The following COPG2 variants were observed in gnomAD, a reference collection of about 807,000 sequenced individuals.
The protein encoded by COPG2 is coatomer subunit gamma-2.
Under a neutral mutation model 46.3 loss-of-function variants are expected in COPG2, and 37 were observed. The ratio of observed to expected loss-of-function variants is 0.80; its 90% confidence interval spans 0.61 to 1.05. The LOEUF (loss-of-function observed/expected upper bound fraction) is 1.05. Ranked by LOEUF, COPG2 falls within the 50% of genes least tolerant of loss-of-function variation. The pLI, the probability that COPG2 is intolerant of heterozygous loss-of-function variation, is 0.00. For synonymous variants in COPG2, 159 were observed against 129.7 expected, an observed-to-expected ratio of 1.23 and a Z score of -1.53; for missense variants, 427 against 387.8, an observed-to-expected ratio of 1.10 and a Z score of -0.85.
chr7:130,635,106 G>T (rs1218785070), intron 5 of COPG2, among the ~76,000 whole-genome samples: 1 of 150,192 alleles, frequency 6.7e-6, no homozygotes, highest in Non-Finnish European at 1.5e-5. Context: ...GCTGGATTCG[G>T]TTTGCCCGTA....
intron 20 of COPG2, among the ~76,000 whole-genome samples, chr7:130,517,313 T>A (rs991987336): frequency 4.7e-4 from 72 of 152,176 alleles, no homozygotes; most frequent in African/African-American, 1.7e-3. Context: ...ACTAGGCAGA[T>A]CAGATGTATT....
At chr7:130,530,739 G>A (rs1406300791) in intron 20 of COPG2, among the ~76,000 whole-genome samples, 40 of 152,032 alleles carry the variant, frequency 2.6e-4, no homozygotes, top group Admixed American at 2.2e-3. Context: ...ATGAGGCAGT[G>A]CAACAGGGGA....
chr7:130,626,817 CTG>C (rs1417676178), intron 5 of COPG2, among the ~76,000 whole-genome samples: 1 of 152,190 alleles, frequency 6.6e-6, no homozygotes, highest in Non-Finnish European at 1.5e-5. Flanking sequence ...GTTTGGAACA[CTG>C]TCCCTTTATG....
At chr7:130,621,942 TC>T (rs1232676703) in intron 5 of COPG2, among the ~76,000 whole-genome samples, 1,536 of 54,114 alleles carry the variant, frequency 0.028, 15 homozygotes, top group Middle Eastern at 0.11. Flanking sequence ...AGACTCCATC[TC>T]AAAAAAAAAA....
intron 17 of COPG2, 126 bp downstream of exon 17, chr7:130,550,394 GGAGT>G (rs1254056630): frequency 7.1e-6 from 2 of 280,348 alleles, no homozygotes; most frequent in Non-Finnish European, 1.2e-5. Flanking sequence ...CTGTGCGACG[GGAGT>G]GAGACTCTAT....
At chr7:130,618,888 T>A (rs1440721092) in intron 5 of COPG2, among the ~76,000 whole-genome samples, 2 of 152,186 alleles carry the variant, frequency 1.3e-5, no homozygotes, top group Non-Finnish European at 2.9e-5. Flanking sequence ...AATTTTCTAA[T>A]TATTAATACC....
intron 9 of COPG2, among the ~76,000 whole-genome samples, chr7:130,583,405 G>A (rs1408259088): frequency 1.4e-5 from 2 of 146,300 alleles, no homozygotes; most frequent in Non-Finnish European, 3.0e-5. Flanking sequence ...TAGATGACGA[G>A]TTAGTGGGTG....
intron 9 of COPG2, among the ~76,000 whole-genome samples, chr7:130,609,436 T>G (rs1794798359): frequency 6.6e-6 from 1 of 152,214 alleles, no homozygotes; most frequent in African/African-American, 2.4e-5. Context: ...GACTTGTTCC[T>G]CCTTGCCTTC....
intron 5 of COPG2, among the ~76,000 whole-genome samples, chr7:130,621,624 C>T (rs535082759): frequency 1.2e-4 from 19 of 152,108 alleles, no homozygotes; most frequent in East Asian, 1.2e-3. Flanking sequence ...GCCTGACCAA[C>T]GTGGTGAAAC....
At chr7:130,514,945 A>C (rs997937226) in intron 20 of COPG2, among the ~76,000 whole-genome samples, 2 of 152,198 alleles carry the variant, frequency 1.3e-5, no homozygotes, top group African/African-American at 2.4e-5. Context: ...ATGGGAGAGA[A>C]GGAAAGACCT....
chr7:130,575,285 T>C (rs36141509), intron 9 of COPG2, among the ~76,000 whole-genome samples: 3,204 of 152,160 alleles, frequency 0.021, 123 homozygotes, highest in African/African-American at 0.073. Context: ...AAGGAAAGAA[T>C]CTTAAGAGTT....
At chr7:130,613,394 C>G in intron 7 of COPG2, 150 bp downstream of exon 7, 1 of 584,402 alleles carries the variant, frequency 1.7e-6, no homozygotes, top group Non-Finnish European at 3.0e-6. Flanking sequence ...GTGGGGACCC[C>G]TGCTCTAGAT....
intron 5 of COPG2, among the ~76,000 whole-genome samples, chr7:130,651,492 GTATT>G (rs1795741266): frequency 6.5e-4 from 20 of 30,794 alleles, no homozygotes; most frequent in African/African-American, 1.8e-3. Flanking sequence ...TAATTTTTTT[GTATT>G]TTTTTTTTTT....
At chr7:130,651,938 C>T (rs923778502) in intron 5 of COPG2, among the ~76,000 whole-genome samples, 3 of 152,182 alleles carry the variant, frequency 2.0e-5, no homozygotes, top group Non-Finnish European at 2.9e-5. Context: ...GCATGAGCCA[C>T]CATGTCTGGC....
At chr7:130,667,397 G>GCT in intron 2 of COPG2, 85 bp downstream of exon 2, 1 of 1,070,506 alleles carries the variant, frequency 9.3e-7, no homozygotes, top group Non-Finnish European at 1.4e-6. Flanking sequence ...TTTGCATGTC[G>GCT]TGATCACAGC....
intron 20 of COPG2, chr7:130,509,062 A>G (rs12706941): frequency 0.51 from 235,629 of 461,112 alleles, 64,271 homozygotes; most frequent in East Asian, 0.59. Context: ...CTGTGGTAAA[A>G]AGCATACAGA....
chr7:130,650,681 G>A (rs546564273), intron 5 of COPG2, among the ~76,000 whole-genome samples: 1 of 152,182 alleles, frequency 6.6e-6, no homozygotes, highest in East Asian at 1.9e-4. Flanking sequence ...GGCTTCCTAA[G>A]GATAGTCATA....
chr7:130,551,521 T>A (rs954725152), intron 15 of COPG2, among the ~76,000 whole-genome samples, 177 bp from the exon 16 acceptor site: 28 of 152,220 alleles, frequency 1.8e-4, no homozygotes, highest in Non-Finnish European at 2.9e-4. Flanking sequence ...CTGCTCTGAA[T>A]TACTAAAGAA....
intron 9 of COPG2, among the ~76,000 whole-genome samples, chr7:130,599,922 A>T (rs1794603293): frequency 6.6e-6 from 1 of 152,210 alleles, no homozygotes; most frequent in Non-Finnish European, 1.5e-5. Flanking sequence ...TGTTTTATGC[A>T]GTTTTCTATA....
Sources: allele counts gnomAD v4.1 joint callset (sites outside exome capture counted in the v4.1 genomes callset), GRCh38; gene constraint gnomAD v4.1.1; transcripts MANE v1.5; gene names NCBI Gene and HGNC (gene_info 2026-07-23, HGNC 2026-07-21).